PRKCA: variants seen among roughly 807,000 people sequenced by gnomAD.
PRKCA encodes the protein protein kinase C alpha, also known as protein kinase C alpha type.
A neutral mutation model predicts 87.0 loss-of-function variants in PRKCA; 27 were observed. The ratio of observed to expected loss-of-function variants is 0.31; its 90% CI spans 0.23 to 0.43. PRKCA has a LOEUF of 0.43. Among genes scored for constraint, PRKCA ranks in the 20% least tolerant of loss-of-function variants. The pLI, the probability that PRKCA is intolerant of heterozygous loss-of-function variation, is 1.00. For missense variants in PRKCA, 518 were observed against 852.3 expected, an observed-to-expected ratio of 0.61 and a Z score of 4.88; for synonymous variants, 329 against 311.1, an observed-to-expected ratio of 1.06 and a Z score of -0.61.
intron 3 of PRKCA, among the ~76,000 whole-genome samples, chr17:66,634,133 C>G (rs1456229728): frequency 6.6e-6 from 1 of 152,172 alleles, no homozygotes; most frequent in Non-Finnish European, 1.5e-5. Flanking sequence ...AATTAAGTTG[C>G]TACATTATAA....
At chr17:66,409,921 G>GAATA (rs569903876) in intron 2 of PRKCA, among the ~76,000 whole-genome samples, 3 of 152,234 alleles carry the variant, frequency 2.0e-5, no homozygotes, top group South Asian at 2.1e-4. Flanking sequence ...CCGTCTCAAA[G>GAATA]AATAAATAAA....
chr17:66,622,140 A>T (rs1204900120), intron 3 of PRKCA, among the ~76,000 whole-genome samples: 1 of 152,194 alleles, frequency 6.6e-6, no homozygotes, highest in Admixed American at 6.5e-5. Context: ...AGAGAGTTGT[A>T]ATCGTACCAC....
At chr17:66,442,982 A>C (rs1018758876) in intron 2 of PRKCA, among the ~76,000 whole-genome samples, 3 of 152,212 alleles carry the variant, frequency 2.0e-5, no homozygotes, top group African/African-American at 7.2e-5. Flanking sequence ...TGACTCTGGC[A>C]GGAGCCCTGG....
chr17:66,415,567 C>G (rs140725335), intron 2 of PRKCA: 1 of 152,138 alleles, frequency 6.6e-6, no homozygotes, highest in African/African-American at 2.4e-5. Context: ...GATTTCTAAG[C>G]GCAGTCTTAA....
At chr17:66,330,070 T>C (rs562662619) in intron 2 of PRKCA, among the ~76,000 whole-genome samples, 4 of 151,896 alleles carry the variant, frequency 2.6e-5, no homozygotes, top group Admixed American at 2.6e-4. Flanking sequence ...TAATAACAGA[T>C]GGAAACAACT....
intron 12 of PRKCA, 83 bp downstream of exon 12, chr17:66,741,804 T>C (rs1169234406): frequency 7.0e-6 from 10 of 1,419,820 alleles, no homozygotes; most frequent in Admixed American, 1.8e-5. Context: ...GAATGGTGAC[T>C]TAAGACACAG....
chr17:66,736,049 T>G (rs1014558400), intron 10 of PRKCA, among the ~76,000 whole-genome samples: 1 of 151,160 alleles, frequency 6.6e-6, no homozygotes, highest in South Asian at 2.1e-4. Context: ...CTCAGCTAAT[T>G]TTTGTATTTT....
chr17:66,437,605 CCTGCTTG>C (rs2143856191), intron 2 of PRKCA, among the ~76,000 whole-genome samples: 1 of 152,168 alleles, frequency 6.6e-6, no homozygotes, highest in South Asian at 2.1e-4. Context: ...AGAGGACCTG[CCTGCTTG>C]CTTGGCAGTC....
chr17:66,415,989 T>G (rs1912123047), intron 2 of PRKCA: 1 of 152,206 alleles, frequency 6.6e-6, no homozygotes, highest in South Asian at 2.1e-4. Flanking sequence ...GCATTCCCAT[T>G]CGTTAGGTGC....
At chr17:66,337,436 C>T (rs1193261601) in intron 2 of PRKCA, among the ~76,000 whole-genome samples, 1 of 152,124 alleles carries the variant, frequency 6.6e-6, no homozygotes, top group Non-Finnish European at 1.5e-5. Flanking sequence ...GTCATGCAGG[C>T]TGGAGTACAG....
intron 3 of PRKCA, among the ~76,000 whole-genome samples, chr17:66,621,884 T>C (rs1243566446): frequency 7.9e-5 from 12 of 151,974 alleles, no homozygotes; most frequent in African/African-American, 2.9e-4. Flanking sequence ...ATTCAGAGAG[T>C]CAGCAAGAAG....
chr17:66,737,434 C>A (rs1974062491), intron 10 of PRKCA, among the ~76,000 whole-genome samples: 1 of 152,210 alleles, frequency 6.6e-6, no homozygotes, highest in African/African-American at 2.4e-5. Flanking sequence ...GGTCTTTCCA[C>A]TCCTCAGAGG....
intron 6 of PRKCA, among the ~76,000 whole-genome samples, 162 bp from the exon 7 acceptor site, chr17:66,688,140 C>G (rs2144034536): frequency 1.3e-5 from 2 of 152,274 alleles, no homozygotes; most frequent in South Asian, 4.1e-4. Context: ...TTTGTTAACT[C>G]CTGTAGCGCT....
chr17:66,459,188 T>C (rs1336121520), intron 2 of PRKCA, among the ~76,000 whole-genome samples: 4 of 149,122 alleles, frequency 2.7e-5, no homozygotes, highest in African/African-American at 9.9e-5. Context: ...GCCTGGGCCA[T>C]CTGGCAAATC....
At chr17:66,449,930 G>A (rs1001255447) in intron 2 of PRKCA, among the ~76,000 whole-genome samples, 2 of 152,024 alleles carry the variant, frequency 1.3e-5, no homozygotes, top group African/African-American at 4.8e-5. Context: ...TATTGTACAC[G>A]TTGATTACTT....
intron 8 of PRKCA, among the ~76,000 whole-genome samples, chr17:66,721,547 G>A (rs910200300): frequency 1.3e-5 from 2 of 152,116 alleles, no homozygotes; most frequent in East Asian, 1.9e-4. Flanking sequence ...GCAATTCCCA[G>A]CACTGAGGGG....
chr17:66,538,926 C>T (rs1484150797), intron 3 of PRKCA, among the ~76,000 whole-genome samples: 3 of 152,202 alleles, frequency 2.0e-5, no homozygotes, highest in African/African-American at 7.2e-5. Context: ...GTCTCCTGAG[C>T]CCCGGTATCT....
intron 4 of PRKCA, 31 bp downstream of exon 4, chr17:66,641,497 G>A (rs770018941): frequency 6.5e-6 from 10 of 1,532,460 alleles, no homozygotes; most frequent in East Asian, 2.3e-5. Context: ...AGTTCATAGC[G>A]AGGCTCTGTA....
At chr17:66,346,336 A>G (rs767826182) in intron 2 of PRKCA, among the ~76,000 whole-genome samples, 4 of 151,656 alleles carry the variant, frequency 2.6e-5, no homozygotes, top group Admixed American at 6.6e-5. Flanking sequence ...TGACCTAGTG[A>G]TCTGCCCACC....
Sources: gnomAD v4.1 joint callset for allele counts (sites outside exome capture counted in the v4.1 genomes callset) on GRCh38, gnomAD v4.1.1 for gene constraint, MANE v1.5 for transcripts, NCBI Gene and HGNC (gene_info 2026-07-23, HGNC 2026-07-21) for gene names.